The following HAL variants were observed in gnomAD, a reference collection of about 807,000 sequenced individuals.
HAL encodes histidine ammonia-lyase, also known as histidase.
HAL carries 85 observed loss-of-function variants against 81.1 expected under a neutral mutation model. That is an observed-to-expected ratio of 1.05 (90% confidence interval 0.88 to 1.25). The LOEUF (loss-of-function observed/expected upper bound fraction) is 1.25, where lower values mean the gene tolerates loss of function less well. Among genes scored for constraint, HAL ranks in the 50% most tolerant of loss-of-function variants. The probability of loss-of-function intolerance (pLI) is 0.00; values close to 1 mark genes in which losing one functional copy is unlikely to be tolerated. For synonymous variants in HAL, 301 were observed against 309.2 expected (o/e 0.97, Z 0.28); for missense variants, 798 against 836.6 (o/e 0.95, Z 0.57).
rs75599011 is a variant in HAL at position 95,993,536 on chromosome 12, A to T, written c.552-48T>A. On this transcript the variant is annotated intron_variant, in intron 7 of 20. Transcript: ENST00000261208. ...CTCTTAGATACATTGCAGTGAGAAA[A>T]TGTTCCCTCAGCTGGGAAAATGAAG... 6.9e-4 allele frequency: 860 copies of T among 1,244,280 alleles called. 4 individuals carry two copies. The African/African-American group carries it at 0.012, about 17-fold the overall frequency. 77.1% of individuals were successfully genotyped at this position (1,244,280 alleles called of 1,614,324 possible).
chr12:95,976,308 C>G, intron 20 of HAL, 121 bp downstream of exon 20: 1 of 840,228 alleles, frequency 1.2e-6, no homozygotes, highest in South Asian at 1.3e-5. Context: ...GCTCAAATAC[C>G]TTTTTGCTCA....
chr12:95,983,485 T>C (rs901723272), intron 15 of HAL, among the ~76,000 whole-genome samples: 3 of 152,226 alleles, frequency 2.0e-5, no homozygotes, highest in Non-Finnish European at 4.4e-5. Flanking sequence ...GACCTCTGCA[T>C]AATGCAAACT....
intron 20 of HAL, among the ~76,000 whole-genome samples, chr12:95,975,780 G>A (rs531848736): frequency 3.3e-5 from 5 of 152,276 alleles, no homozygotes; most frequent in Non-Finnish European, 7.4e-5. Flanking sequence ...CTGCCCCAGA[G>A]CAGAGCAACT....
intron 11 of HAL, 27 bp from the exon 12 acceptor site, chr12:95,987,241 T>C: frequency 6.2e-7 from 1 of 1,604,910 alleles, no homozygotes; most frequent in East Asian, 2.2e-5. Flanking sequence ...CAAAGTTTCC[T>C]ACTGTGATTA....
At chr12:95,990,832 A>G (rs113145073) in intron 9 of HAL, among the ~76,000 whole-genome samples, 6,735 of 152,276 alleles carry the variant, frequency 0.044, 169 homozygotes, top group Non-Finnish European at 0.049. Context: ...AAGAAGGGCC[A>G]GGCGCAGTGG....
At chr12:95,996,023 T>G in intron 1 of HAL, 32 bp from the exon 2 acceptor site, 1 of 979,082 alleles carries the variant, frequency 1.0e-6, no homozygotes. Flanking sequence ...TTCAAACCAC[T>G]CCCCCTCCTT....
At chr12:95,991,571 A>T (rs76247794) in intron 9 of HAL, among the ~76,000 whole-genome samples, 3,028 of 152,330 alleles carry the variant, frequency 0.02, 103 homozygotes, top group African/African-American at 0.067. Context: ...AAAAGTTACC[A>T]AAAAAGAGGC....
chr12:95,989,971 C>A, intron 10 of HAL: 2 of 239,204 alleles, frequency 8.4e-6, no homozygotes, highest in Non-Finnish European at 1.7e-5. Context: ...TTTGATTAGC[C>A]ACTAGGGTAA....
chr12:95,979,226 G>A (rs914945615), intron 17 of HAL, among the ~76,000 whole-genome samples: 3 of 152,196 alleles, frequency 2.0e-5, no homozygotes, highest in Non-Finnish European at 2.9e-5. Flanking sequence ...CCACTACTAC[G>A]TTATTGTGAG....
intron 11 of HAL, 113 bp downstream of exon 11, chr12:95,988,080 A>G (rs1318204735): frequency 5.4e-6 from 4 of 740,608 alleles, no homozygotes; most frequent in Non-Finnish European, 9.9e-6. Flanking sequence ...GATGAACTTT[A>G]AGCAAACATG....
Position 95,976,470 on chromosome 12 carries a change from G to A in HAL, c.1792C>T (p.Pro598Ser). The A allele has an allele frequency of 6.2e-7, 1 of 1,614,072 alleles. No homozygotes were observed. The highest frequency in any genetic ancestry group is 8.5e-7 in the Non-Finnish European group (1 of 1,179,930). The change falls in exon 20 of 21, where the codon CCG becomes TCG. Residue 598 changes from proline to serine, a missense_variant. Coordinates refer to ENST00000261208, the MANE Select transcript of HAL (RefSeq NM_002108.4). ...RPWIKDRFMA[P>S]DIEAAHRLLL... Reference sequence around the variant, plus strand: ...AGCCTGTGGGCTGCCTCGATGTCCGGGGCCATGAAGCGATCTTTTATCCAG... The same window carrying A: ...AGCCTGTGGGCTGCCTCGATGTCCGAGGCCATGAAGCGATCTTTTATCCAG...
intron 20 of HAL, among the ~76,000 whole-genome samples, chr12:95,975,354 T>C (rs572989587): frequency 5.4e-5 from 8 of 147,710 alleles, no homozygotes; most frequent in Non-Finnish European, 8.9e-5. Context: ...TTTCTTTTTT[T>C]TTTTTTTTCT....
rs562435427 is a variant in HAL at position 95,975,598 on chromosome 12, A to G, written c.1833+831T>C. ...TTTTAACTGATTGCCACTGACAGCCAAGGAGCCTTTCCTATTATTTTTTAT... is the reference window on the plus strand; with the variant it reads ...TTTTAACTGATTGCCACTGACAGCCGAGGAGCCTTTCCTATTATTTTTTAT... On this transcript the variant is annotated intron_variant, in intron 20 of 20. Coordinates refer to ENST00000261208, the MANE Select transcript of HAL (RefSeq NM_002108.4). 1.4e-4 allele frequency among the ~76,000 whole-genome samples: 22 copies of G among 152,308 alleles called. No individual in the cohort carries two copies. The South Asian group carries it at 4.6e-3, about 32-fold the overall frequency.
At position 95,974,202 on chromosome 12, in the gene HAL, C is replaced by T; in HGVS notation, c.*30G>A. 6.2e-7 allele frequency: 1 copy of T among 1,605,664 alleles called. No homozygotes were observed. The highest frequency in any genetic ancestry group is 8.5e-7 in the Non-Finnish European group (1 of 1,172,230). On this transcript the variant is annotated 3_prime_UTR_variant, in exon 21 of 21. Transcript: ENST00000261208. ...ATTGCTTTGTGCTAAACTGACTGCC[C>T]TCTCATCTGCTACTTCATGACAAAG... is the stretch of plus-strand genomic sequence containing the variant.
rs1364817398 is a variant in HAL, at chr12:95,983,979, C to T, written c.1219G>A (p.Val407Met). 6.4e-7 allele frequency: 1 copy of T among 1,558,134 alleles called. No individual in the cohort carries two copies. Among genetic ancestry groups the T allele is most frequent in the African/African-American group, 1.4e-5 (1 of 73,946 alleles). ...TTCACAAATGCTATTGTATCATTCACCACACCATGGACCTAAAATACAATC... is the reference window on the plus strand; with the variant it reads ...TTCACAAATGCTATTGTATCATTCATCACACCATGGACCTAAAATACAATC... ...LRCCPQVHGV[V>M]NDTIAFVKNI... Residue 407 changes from valine (V) to methionine (M), a missense_variant, in exon 15 of 21, where the codon GTG (valine) becomes ATG (methionine). By Grantham distance (21) the Val-to-Met change is conservative. Coordinates refer to ENST00000261208, the MANE Select transcript of HAL (RefSeq NM_002108.4).
chr12:95,985,624 C>CAAAAAAA (rs56285140), intron 14 of HAL, among the ~76,000 whole-genome samples: 1 of 77,216 alleles, frequency 1.3e-5, no homozygotes, highest in African/African-American at 5.3e-5. Flanking sequence ...TTGTCTGTCT[C>CAAAAAAA]AAAAAAAAAA....
rs147384169 is a variant in HAL at position 95,972,952 on chromosome 12, A to C, written c.*1280T>G. 135 of 152,350 alleles carry C rather than the reference A, an allele frequency of 8.9e-4. No individual in the cohort carries two copies. The highest frequency in any genetic ancestry group is 3.1e-3 in the African/African-American group (128 of 41,584). The allele number at this position is 152,350 out of a possible 1,614,324, so 9.4% of individuals were successfully genotyped here. On this transcript the variant is annotated 3_prime_UTR_variant, in exon 21 of 21. Transcript: ENST00000261208. Reference sequence around the variant, plus strand: ...CACCAAGAACAACCTTTAGGTAAACAGTCTCCTCAGCACATTTTTTGCTCC... The same window carrying C: ...CACCAAGAACAACCTTTAGGTAAACCGTCTCCTCAGCACATTTTTTGCTCC...
chr12:95,978,862 G>T (rs12297102), intron 17 of HAL, among the ~76,000 whole-genome samples: 2,546 of 152,242 alleles, frequency 0.017, 67 homozygotes, highest in African/African-American at 0.057. Context: ...AGTGGTCATG[G>T]GTGAGGCTTC....
At chr12:95,986,630 T>C (rs948037254) in intron 12 of HAL, among the ~76,000 whole-genome samples, 10 of 152,142 alleles carry the variant, frequency 6.6e-5, no homozygotes, top group African/African-American at 1.9e-4. Context: ...TTTTAGACAA[T>C]GTTCTGCCCT....
Sources: gnomAD v4.1 joint callset for allele counts (sites outside exome capture counted in the v4.1 genomes callset) on GRCh38, gnomAD v4.1.1 for gene constraint, MANE v1.5 for transcripts, NCBI Gene and HGNC (gene_info 2026-07-23, HGNC 2026-07-21) for gene names.